The following C7 variants were observed in gnomAD, a reference collection of about 807,000 sequenced individuals.
The protein encoded by C7 is complement C7, also known as complement component C7.
A neutral mutation model predicts 104.8 loss-of-function variants in C7; 83 were observed. The ratio of observed to expected loss-of-function variants is 0.79; its 90% CI spans 0.66 to 0.95. The LOEUF (loss-of-function observed/expected upper bound fraction) is 0.95, where lower values mean the gene tolerates loss of function less well. Among genes scored for constraint, C7 ranks in the 40% least tolerant of loss-of-function variants. The pLI is 0.00. For missense variants in C7, 1,070 were observed against 1,011.2 expected, an observed-to-expected ratio of 1.06 and a Z score of -0.79; for synonymous variants, 415 against 360.6, an observed-to-expected ratio of 1.15 and a Z score of -1.71.
chr5:40,954,693 G>T (rs1408925221), intron 9 of C7, among the ~76,000 whole-genome samples: 1 of 151,618 alleles, frequency 6.6e-6, no homozygotes, highest in Non-Finnish European at 1.5e-5. Context: ...AGACCAGTCT[G>T]GCCAACATGG....
intron 16 of C7, among the ~76,000 whole-genome samples, chr5:40,978,502 G>T (rs551750877): frequency 6.6e-6 from 1 of 152,294 alleles, no homozygotes; most frequent in Non-Finnish European, 1.5e-5. Context: ...CTGGCAACAA[G>T]GTGGTATTGT....
intron 1 of C7, among the ~76,000 whole-genome samples, chr5:40,927,399 T>C (rs1404499852): frequency 6.6e-6 from 1 of 152,050 alleles, no homozygotes. Flanking sequence ...CAAATGGGAT[T>C]ACAACAAACT....
intron 15 of C7, among the ~76,000 whole-genome samples, chr5:40,975,581 C>T (rs569044265): frequency 1.7e-4 from 26 of 152,172 alleles, no homozygotes; most frequent in African/African-American, 5.5e-4. Context: ...CTAGGCTGGT[C>T]GTGAACTCCT....
At position 40,978,854 on chromosome 5, in the gene C7, G is replaced by A. The variant is rs117308566; in HGVS notation, c.2166-871G>A. Among the ~76,000 whole-genome samples the A allele has an allele frequency of 3.1e-4, 38 of 121,618 alleles. No individual in the cohort carries two copies. The East Asian group carries it at 8.3e-3, about 27-fold the overall frequency. The allele number at this position is 121,618 out of a possible 152,430, so 79.8% of individuals were successfully genotyped here. On this transcript the variant is annotated intron_variant, in intron 16 of 17. Transcript: ENST00000313164. ...TTTTAGCACCAATGCTAATGAGGAAGGTAACACATTTTATGGAAATTTTTT... is the reference window on the plus strand; with the variant it reads ...TTTTAGCACCAATGCTAATGAGGAAAGTAACACATTTTATGGAAATTTTTT...
At chr5:40,931,999 C>T (rs936130589) in intron 3 of C7, among the ~76,000 whole-genome samples, 6 of 152,142 alleles carry the variant, frequency 3.9e-5, no homozygotes, top group African/African-American at 1.4e-4. Context: ...ATCTCGTGAT[C>T]CACCTGCCTC....
At chr5:40,963,886 A>T (rs993620326) in intron 13 of C7, among the ~76,000 whole-genome samples, 5 of 152,070 alleles carry the variant, frequency 3.3e-5, no homozygotes, top group African/African-American at 1.2e-4. Context: ...GATCAACATT[A>T]TGCTTCCCCT....
In C7 at chr5:40,937,561, A is replaced by T. The variant is rs765449103; in HGVS notation, c.438A>T (p.Glu146Asp). 6.8e-6 allele frequency: 11 copies of T among 1,607,714 alleles called. No individual in the cohort carries two copies. The East Asian group carries it at 2.5e-4, about 36-fold the overall frequency. The change falls in exon 6 of 18, where the codon GAA becomes GAT. Residue 146 changes from glutamate to aspartate, a missense_variant. Transcript: ENST00000313164. Reference protein sequence around the residue: ...NIELTGNGYNELTGQFRNRVI... With the variant: ...NIELTGNGYNDLTGQFRNRVI... ...CTCCTCCTTTTAACAGTTACAATGA[A>T]CTCACTGGCCAGTTTAGGAACAGAG...
intron 1 of C7, among the ~76,000 whole-genome samples, chr5:40,916,713 T>A (rs533068178): frequency 5.7e-4 from 86 of 152,192 alleles, no homozygotes; most frequent in Admixed American, 1.2e-3. Context: ...TTATTTTTTT[T>A]TTAAAAAAGC....
Position 40,972,509 on chromosome 5 carries a change from G to C in C7, c.1989G>C (p.Met663Ile). The change falls in exon 15 of 18, where the codon ATG becomes ATC. Residue 663 changes from methionine (M) to isoleucine (I), a missense_variant. Coordinates refer to ENST00000313164, the MANE Select transcript of C7 (RefSeq NM_000587.4). ...EKVTVSCSGGMSLEGPSAFLC... is the reference protein window; with the variant it reads ...EKVTVSCSGGISLEGPSAFLC... ...TGACTGTTTCCTGTTCAGGTGGCAT[G>C]TCCTTAGAAGGTCCTTCAGCATTTC... is the stretch of plus-strand genomic sequence containing the variant. 6.2e-7 allele frequency: 1 copy of C among 1,613,804 alleles called. No individual in the cohort carries two copies. Among genetic ancestry groups the C allele is most frequent in the Non-Finnish European group, 8.5e-7 (1 of 1,179,772 alleles).
intron 6 of C7, among the ~76,000 whole-genome samples, chr5:40,941,982 A>G (rs1386191444): frequency 6.6e-6 from 1 of 152,220 alleles, no homozygotes; most frequent in Non-Finnish European, 1.5e-5. Flanking sequence ...AGGAACAGCC[A>G]GAGAGAAAAA....
Position 40,959,618 on chromosome 5 carries a change from G to T in C7, c.1659G>T (p.Leu553Phe). The change falls in exon 12 of 18, where the codon TTG (leucine) becomes TTT (phenylalanine). Residue 553 changes from leucine (L) to phenylalanine (F), a missense_variant and splice_region_variant. Leu to Phe is a conservative substitution (Grantham distance 22). Transcript: ENST00000313164. ...GCGAAGATGAGGAGCTGGAGCACTT[G>T]AGGTAATGGAGACCCGACCCCCTGG... The part of the protein sequence containing the change: ...TQCEDEELEH[L>F]RLLEPHCFPL... 2.5e-6 allele frequency: 4 copies of T among 1,582,500 alleles called. No homozygotes were observed. Among genetic ancestry groups the T allele is most frequent in the South Asian group, 1.2e-5 (1 of 85,930 alleles).
intron 1 of C7, among the ~76,000 whole-genome samples, chr5:40,915,851 G>A (rs1028391987): frequency 3.9e-5 from 6 of 152,172 alleles, no homozygotes; most frequent in Non-Finnish European, 8.8e-5. Flanking sequence ...AAGAGAATGG[G>A]TTATCTAAGA....
In C7 at chr5:40,958,054, G is replaced by A. The variant is rs1305405324; in HGVS notation, c.1282G>A (p.Val428Ile). The change falls in exon 11 of 18, where the codon GTA becomes ATA. Residue 428 changes from valine to isoleucine, a missense_variant. By Grantham distance (29) the Val-to-Ile change is conservative. Coordinates refer to ENST00000313164, the MANE Select transcript of C7 (RefSeq NM_000587.4). ...ATAGCTGACACCTTTATATGAGCTG[G>A]TAAAGGAAGTACCTTGTGCCTCTGT... ...KQKLTPLYEL[V>I]KEVPCASVKK... The A allele has an allele frequency of 1.9e-6, 3 of 1,612,500 alleles. No homozygotes were observed. The highest frequency in any genetic ancestry group is 1.1e-5 in the South Asian group (1 of 90,966).
chr5:40,963,864 A>G (rs937835053), intron 13 of C7, among the ~76,000 whole-genome samples: 4 of 152,070 alleles, frequency 2.6e-5, no homozygotes, highest in Non-Finnish European at 5.9e-5. Flanking sequence ...GTAGGAGGGT[A>G]GGATGGGAGA....
chr5:40,978,872 A>ATTTTTTTTTTT (rs1740874843), intron 16 of C7, among the ~76,000 whole-genome samples: 1 of 79,054 alleles, frequency 1.3e-5, no homozygotes, highest in African/African-American at 4.6e-5. Flanking sequence ...ATTTTATGGA[A>ATTTTTTTTTTT]ATTTTTTTTT....
At chr5:40,955,615 A>G (rs539804789) in intron 10 of C7, 62 bp downstream of exon 10, 1 of 1,488,700 alleles carries the variant, frequency 6.7e-7, no homozygotes, top group African/African-American at 1.4e-5. Flanking sequence ...GAGGAAAACG[A>G]AGGTGGTTAA....
chr5:40,949,543 T>C (rs1333150069), intron 8 of C7, among the ~76,000 whole-genome samples: 1 of 152,140 alleles, frequency 6.6e-6, no homozygotes, highest in Non-Finnish European at 1.5e-5. Flanking sequence ...TTGGGAGCCT[T>C]AAGTAGATTT....
chr5:40,936,579 C>T, intron 5 of C7, 94 bp downstream of exon 5: 1 of 1,157,562 alleles, frequency 8.6e-7, no homozygotes, highest in African/African-American at 1.6e-5. Context: ...AACAAGTCTT[C>T]TAATAGGCAA....
intron 14 of C7, among the ~76,000 whole-genome samples, chr5:40,965,648 A>G (rs201166874): frequency 7.7e-6 from 1 of 130,312 alleles, no homozygotes; most frequent in African/African-American, 3.2e-5. Context: ...ATATATATAT[A>G]TTTTTTTTTT....
Sources: allele counts gnomAD v4.1 joint callset (sites outside exome capture counted in the v4.1 genomes callset), GRCh38; gene constraint gnomAD v4.1.1; transcripts MANE v1.5; gene names NCBI Gene and HGNC (gene_info 2026-07-23, HGNC 2026-07-21).